PHF11: variants seen among roughly 807,000 people sequenced by gnomAD.
PHF11 encodes the protein BRCA1 C-terminus-associated protein.
In PHF11, 38 loss-of-function variants were observed where a neutral mutation model predicts 40.5. The observed-to-expected ratio is 0.94, with a 90% CI of 0.72 to 1.23. PHF11 has a LOEUF of 1.23. Among genes scored for constraint, PHF11 ranks in the 50% most tolerant of loss-of-function variants. The probability of loss-of-function intolerance (pLI) is 0.00; values close to 1 mark genes in which losing one functional copy is unlikely to be tolerated. For missense variants in PHF11, 369 were observed against 392.4 expected (o/e 0.94, Z 0.50); for synonymous variants, 127 against 138.2 (o/e 0.92, Z 0.57).
At chr13:49,504,273 C>G (rs946816111) in intron 1 of PHF11, among the ~76,000 whole-genome samples, 3 of 151,616 alleles carry the variant, frequency 2.0e-5, no homozygotes, top group Non-Finnish European at 4.4e-5. Flanking sequence ...ATAATGGGAC[C>G]CCTGTCTCTA....
At chr13:49,523,085 C>A (rs1959197709) in intron 6 of PHF11, 90 bp from the exon 7 acceptor site, 3 of 890,766 alleles carry the variant, frequency 3.4e-6, no homozygotes, top group Middle Eastern at 2.4e-4. Flanking sequence ...TTACTGTAGG[C>A]ATATCATTTA....
At chr13:49,497,050 T>C in intron 1 of PHF11, 1 of 1,251,750 alleles carries the variant, frequency 8.0e-7, no homozygotes, top group South Asian at 1.3e-5. Context: ...GGGCTTACCT[T>C]TAAAGGGCAA....
chr13:49,524,020 ATAAAG>A (rs1959207252), intron 7 of PHF11, 60 bp from the exon 8 acceptor site: 2 of 1,393,192 alleles, frequency 1.4e-6, no homozygotes, highest in Non-Finnish European at 2.0e-6. Flanking sequence ...AGAAATAAGC[ATAAAG>A]TAATTTATGA....
chr13:49,496,340 T>C, intron 1 of PHF11: 1 of 1,067,828 alleles, frequency 9.4e-7, no homozygotes, highest in Non-Finnish European at 1.2e-6. Context: ...TGACTGCCCA[T>C]GGTTTCGCGC....
At chr13:49,501,446 A>G (rs891159238) in intron 1 of PHF11, among the ~76,000 whole-genome samples, 4 of 152,194 alleles carry the variant, frequency 2.6e-5, no homozygotes, top group East Asian at 3.9e-4. Context: ...TTTTTCCCCC[A>G]GTTTCATCCT....
At chr13:49,500,841 G>A (rs1248553807) in intron 1 of PHF11, among the ~76,000 whole-genome samples, 2 of 152,146 alleles carry the variant, frequency 1.3e-5, no homozygotes, top group Non-Finnish European at 2.9e-5. Flanking sequence ...TGGAACCCAA[G>A]TACTTGGGAG....
intron 1 of PHF11, among the ~76,000 whole-genome samples, chr13:49,502,312 AATTG>A (rs36107052): frequency 0.017 from 2,623 of 152,178 alleles, 79 homozygotes; most frequent in African/African-American, 0.06. Flanking sequence ...AAAATAAATA[AATTG>A]ATTAATTAAA....
In PHF11 at chr13:49,501,017, G is replaced by GTTTTTTTTTTT. The variant is rs1491587127; in HGVS notation, c.94+4923_94+4933dup. Among the ~76,000 whole-genome samples the GTTTTTTTTTTT allele has an allele frequency of 1.8e-4, 20 of 108,826 alleles. 4 individuals are homozygous for GTTTTTTTTTTT. Among genetic ancestry groups the GTTTTTTTTTTT allele is most frequent in the African/African-American group, 4.2e-4 (10 of 23,968 alleles). The allele number at this position is 108,826 out of a possible 152,430, so 71.4% of individuals were successfully genotyped here. A position where few individuals can be genotyped will look rare whatever the true frequency, so the allele number is the denominator to read the frequency against. On this transcript the variant is annotated intron_variant, in intron 1 of 9. Transcript: ENST00000378319. ...CAACTTTTGTTTTTTTTTTTTTTTGGTTTTTTTTTTTCTGAAATGGAGTTT... is the reference window on the plus strand; with the variant it reads ...CAACTTTTGTTTTTTTTTTTTTTTGGTTTTTTTTTTTTTTTTTTTTTTCTGAAATGGAGTTT...
chr13:49,527,591 A>G (rs1959361696), intron 9 of PHF11, among the ~76,000 whole-genome samples: 1 of 152,172 alleles, frequency 6.6e-6, no homozygotes, highest in African/African-American at 2.4e-5. Context: ...CTGTCTTAAT[A>G]GTCTTTTGAG....
At chr13:49,526,561 G>A (rs978187684) in intron 9 of PHF11, 103 bp downstream of exon 9, 2 of 744,900 alleles carry the variant, frequency 2.7e-6, no homozygotes, top group Non-Finnish European at 4.6e-6. Context: ...TTAGAAGAAT[G>A]TTCATTGTTT....
In PHF11 at chr13:49,496,433, G is replaced by T. The variant is rs1383862926; in HGVS notation, c.94+338G>T. On this transcript the variant is annotated intron_variant, in intron 1 of 9. Transcript: ENST00000378319. ...CACAACCGATGTCAACTCTCCTAGC[G>T]CCCCTCCGCTCACCGGTAAACCAGG... 3 of 1,055,614 alleles carry T rather than the reference G, an allele frequency of 2.8e-6. No individual in the cohort carries two copies. In the African/African-American group the frequency reaches 5.0e-5, roughly 18 times the overall value. The allele number at this position is 1,055,614 out of a possible 1,614,324, so 65.4% of individuals were successfully genotyped here. A position where few individuals can be genotyped will look rare whatever the true frequency, so the allele number is the denominator to read the frequency against.
intron 1 of PHF11, among the ~76,000 whole-genome samples, chr13:49,502,825 G>A (rs759985174): frequency 3.9e-5 from 6 of 151,936 alleles, no homozygotes; most frequent in Non-Finnish European, 7.4e-5. Context: ...CAGGTCCAAG[G>A]GATTCTCCTG....
At chr13:49,504,914 C>T (rs1464257415) in intron 1 of PHF11, among the ~76,000 whole-genome samples, 3 of 149,054 alleles carry the variant, frequency 2.0e-5, no homozygotes, top group East Asian at 3.9e-4. Flanking sequence ...TGTGACCTTA[C>T]CCCCAACCCT....
chr13:49,505,943 A>G (rs901110280), intron 1 of PHF11, among the ~76,000 whole-genome samples: 9 of 152,192 alleles, frequency 5.9e-5, no homozygotes, highest in African/African-American at 2.2e-4. Flanking sequence ...AACTTTTTAA[A>G]TAGATAATTA....
chr13:49,498,257 C>T (rs1363397409), intron 1 of PHF11, among the ~76,000 whole-genome samples: 2 of 152,218 alleles, frequency 1.3e-5, no homozygotes, highest in Non-Finnish European at 2.9e-5. Flanking sequence ...GTATATAACA[C>T]TACGGAGCTT....
chr13:49,518,160 T>C lies in PHF11; in HGVS notation c.458+9T>C. ...GTTCGAGGAATTTATAAGTATTTAA[T>C]AAAACATTTTTAAAACCACATTTGG... is the stretch of plus-strand genomic sequence containing the variant. On this transcript the variant is annotated intron_variant, in intron 4 of 9. Coordinates refer to ENST00000378319, the MANE Select transcript of PHF11 (RefSeq NM_001040443.3). 1 of 1,571,996 alleles carries C rather than the reference T, an allele frequency of 6.4e-7. No individual in the cohort carries two copies. Among genetic ancestry groups the C allele is most frequent in the Non-Finnish European group, 8.6e-7 (1 of 1,156,606 alleles).
intron 1 of PHF11, 59 bp downstream of exon 1, chr13:49,496,154 C>G: frequency 9.9e-7 from 1 of 1,010,110 alleles, no homozygotes; most frequent in Non-Finnish European, 1.3e-6. Flanking sequence ...CGGGCCCGGT[C>G]AAGGGGCCTG....
chr13:49,525,138 T>C (rs1459145957), intron 8 of PHF11, among the ~76,000 whole-genome samples: 1 of 152,248 alleles, frequency 6.6e-6, no homozygotes, highest in Non-Finnish European at 1.5e-5. Context: ...TTTTAATGTT[T>C]TGACTGATGT....
chr13:49,508,371 A>G (rs1959040058), intron 2 of PHF11, among the ~76,000 whole-genome samples: 1 of 147,210 alleles, frequency 6.8e-6, no homozygotes, highest in South Asian at 2.1e-4. Context: ...TATATAATAT[A>G]TTACTATATT....
Sources: allele counts gnomAD v4.1 joint callset (sites outside exome capture counted in the v4.1 genomes callset), GRCh38; gene constraint gnomAD v4.1.1; transcripts MANE v1.5; gene names NCBI Gene and HGNC (gene_info 2026-07-23, HGNC 2026-07-21).